FRMPD4: variants seen among roughly 807,000 people sequenced by gnomAD.
FRMPD4 encodes FERM and PDZ domain-containing protein 4.
Under a neutral mutation model 94.1 loss-of-function variants are expected in FRMPD4, and 22 were observed. That is an observed-to-expected ratio of 0.23 (90% CI 0.17 to 0.33). The LOEUF (loss-of-function observed/expected upper bound fraction) is 0.33. Among genes scored for constraint, FRMPD4 ranks in the 10% least tolerant of loss-of-function variants. The probability of loss-of-function intolerance (pLI) is 1.00; values close to 1 mark genes in which losing one functional copy is unlikely to be tolerated. For missense variants in FRMPD4, 1,111 were observed against 1,339.9 expected (o/e 0.83, Z 2.67); for synonymous variants, 631 against 548.6 (o/e 1.15, Z -2.10).
intron 3 of FRMPD4, among the ~76,000 whole-genome samples, chrX:12,094,845 A>G (rs1601933976): frequency 8.9e-6 from 1 of 112,320 alleles, no homozygotes; most frequent in African/African-American, 3.2e-5. Context: ...AGCATTCTCT[A>G]TGCCTCAGTC....
intron 3 of FRMPD4, among the ~76,000 whole-genome samples, chrX:11,896,627 T>C (rs1319863080): frequency 3.6e-5 from 4 of 112,013 alleles, no homozygotes; most frequent in Non-Finnish European, 7.5e-5. Flanking sequence ...TTTCTGTTGC[T>C]TATAAGGCAC....
chrX:12,192,357 G>A (rs182327184), intron 1 of FRMPD4, among the ~76,000 whole-genome samples: 3 of 112,213 alleles, frequency 2.7e-5, no homozygotes, highest in East Asian at 5.6e-4. Context: ...TATTCCTGTA[G>A]TGGTATTTAG....
At chrX:12,084,186 G>GC (rs1004870438) in intron 3 of FRMPD4, among the ~76,000 whole-genome samples, 15 of 95,239 alleles carry the variant, frequency 1.6e-4, no homozygotes, top group African/African-American at 3.4e-4. Context: ...GTGGGGGGGG[G>GC]GGTAATTGAA....
At chrX:12,366,651 C>T (rs1017106388) in intron 1 of FRMPD4, among the ~76,000 whole-genome samples, 1 of 112,426 alleles carries the variant, frequency 8.9e-6, no homozygotes, top group African/African-American at 3.2e-5. Flanking sequence ...ACTATGCCAG[C>T]TCAGGAAATC....
chrX:12,014,180 C>T (rs750737240), intron 3 of FRMPD4, among the ~76,000 whole-genome samples: 1 of 110,990 alleles, frequency 9.0e-6, no homozygotes, highest in South Asian at 3.9e-4. Flanking sequence ...GGTTTTCAAC[C>T]GTGCCTCAGT....
At chrX:12,473,277 C>T (rs1053597076) in intron 1 of FRMPD4, among the ~76,000 whole-genome samples, 1 of 109,691 alleles carries the variant, frequency 9.1e-6, no homozygotes, top group Non-Finnish European at 1.9e-5. Flanking sequence ...TTTGTCACCA[C>T]CAGCCCTGCC....
chrX:11,980,414 G>A (rs1479688107), intron 3 of FRMPD4, among the ~76,000 whole-genome samples: 1 of 110,698 alleles, frequency 9.0e-6, no homozygotes, highest in Non-Finnish European at 1.9e-5. Flanking sequence ...TTATAGCTTT[G>A]ATCCATTTTT....
chrX:12,687,365 A>G, intron 7 of FRMPD4, among the ~76,000 whole-genome samples: 1 of 112,009 alleles, frequency 8.9e-6, no homozygotes, highest in East Asian at 2.8e-4. Context: ...CTCATTCATT[A>G]TCAATTTGTG....
At chrX:12,441,029 G>A (rs780714847) in intron 1 of FRMPD4, among the ~76,000 whole-genome samples, 1 of 112,079 alleles carries the variant, frequency 8.9e-6, no homozygotes, top group East Asian at 2.8e-4. Flanking sequence ...TAGGAGGTTG[G>A]GTAGCATCTC....
chrX:12,494,968 T>C, intron 1 of FRMPD4: 1 of 638,795 alleles, frequency 1.6e-6, no homozygotes. Context: ...TGCTCTCAGA[T>C]AGAAGTCACA....
intron 1 of FRMPD4, among the ~76,000 whole-genome samples, chrX:12,165,336 G>A (rs749634616): frequency 1.8e-5 from 2 of 112,002 alleles, no homozygotes; most frequent in East Asian, 2.8e-4. Flanking sequence ...TTTTTGTCAG[G>A]TTTGTCAAAA....
chrX:11,917,970 T>C (rs538868130), intron 3 of FRMPD4, among the ~76,000 whole-genome samples: 2 of 111,711 alleles, frequency 1.8e-5, no homozygotes, highest in African/African-American at 6.5e-5. Context: ...GACTGCCCTA[T>C]TGTCACAATG....
rs140660853 is a variant in FRMPD4, at chrX:12,238,432, T to A, written c.41+99420T>A. 5.7e-3 allele frequency among the ~76,000 whole-genome samples: 637 copies of A among 111,840 alleles called. 2 individuals are homozygous for A. The highest frequency in any genetic ancestry group is 0.019 in the African/African-American group (593 of 30,789). ...GGGATTACAGACATGAGCCACCGCG[T>A]CCAGCCCTGTCTGGCCCTTTAAAAA... On this transcript the variant is annotated intron_variant, in intron 1 of 16. Transcript: ENST00000675598.
chrX:12,045,223 A>G (rs922994259), intron 3 of FRMPD4, among the ~76,000 whole-genome samples: 1 of 112,129 alleles, frequency 8.9e-6, no homozygotes, highest in Non-Finnish European at 1.9e-5. Context: ...AACAGAGACC[A>G]CATGGCCTAC....
intron 1 of FRMPD4, among the ~76,000 whole-genome samples, chrX:12,195,276 A>T (rs772363347): frequency 1.8e-5 from 2 of 108,561 alleles, no homozygotes; most frequent in African/African-American, 7.0e-5. Context: ...TTTTGGGATC[A>T]CAAAGACCAC....
At chrX:12,019,288 C>T (rs964985014) in intron 3 of FRMPD4, among the ~76,000 whole-genome samples, 2 of 109,751 alleles carry the variant, frequency 1.8e-5, no homozygotes, top group African/African-American at 6.6e-5. Flanking sequence ...TCCTCAGCCC[C>T]GTTGTCATTA....
chrX:11,965,869 T>G (rs926017303), intron 3 of FRMPD4, among the ~76,000 whole-genome samples: 1 of 112,332 alleles, frequency 8.9e-6, no homozygotes, highest in African/African-American at 3.2e-5. Context: ...CGACTTTATG[T>G]TCCACAGTCT....
chrX:12,572,808 C>T (rs1229809139), intron 2 of FRMPD4, among the ~76,000 whole-genome samples: 4 of 112,217 alleles, frequency 3.6e-5, no homozygotes, highest in Non-Finnish European at 7.5e-5. Context: ...GCTTATATAG[C>T]ATCCTGAGCT....
intron 1 of FRMPD4, among the ~76,000 whole-genome samples, chrX:12,340,151 A>G (rs994803442): frequency 1.8e-5 from 2 of 112,498 alleles, no homozygotes; most frequent in African/African-American, 6.5e-5. Context: ...AGTATTCCTT[A>G]GGCTCATTAC....
Sources: gnomAD v4.1 joint callset for allele counts (sites outside exome capture counted in the v4.1 genomes callset) on GRCh38, gnomAD v4.1.1 for gene constraint, MANE v1.5 for transcripts, NCBI Gene and HGNC (gene_info 2026-07-23, HGNC 2026-07-21) for gene names.